The following USF2 variants were observed in gnomAD, a reference collection of about 807,000 sequenced individuals.
USF2 encodes the protein upstream stimulatory factor 2.
Under a neutral mutation model 46.9 loss-of-function variants are expected in USF2, and 16 were observed. The ratio of observed to expected loss-of-function variants is 0.34; its 90% CI spans 0.23 to 0.52. The LOEUF (loss-of-function observed/expected upper bound fraction) is 0.52, where lower values mean the gene tolerates loss of function less well. Among genes scored for constraint, USF2 ranks in the 20% least tolerant of loss-of-function variants. The probability of loss-of-function intolerance (pLI) is 0.96; values close to 1 mark genes in which losing one functional copy is unlikely to be tolerated. For synonymous variants in USF2, 239 were observed against 194.1 expected (o/e 1.23, Z -1.92); for missense variants, 411 against 474.0 (o/e 0.87, Z 1.23).
Position 35,279,340 on chromosome 19 carries a change from A to G in USF2, c.*84A>G, listed in dbSNP as rs1006935632. Reference sequence around the variant, plus strand: ...CAGCCCTTAGCACAGAGAGGGACACATGCCCCTCCCCCAGCTGCGTTTTTT... The same window carrying G: ...CAGCCCTTAGCACAGAGAGGGACACGTGCCCCTCCCCCAGCTGCGTTTTTT... On this transcript the variant is annotated 3_prime_UTR_variant, in exon 10 of 10. Transcript: ENST00000222305. 8.9e-5 allele frequency: 116 copies of G among 1,300,074 alleles called. No homozygotes were observed. In the African/African-American group the frequency reaches 9.8e-4, roughly 11 times the overall value. The allele number at this position is 1,300,074 out of a possible 1,614,324, so 80.5% of individuals were successfully genotyped here.
chr19:35,269,962 G>A lies in USF2; in HGVS notation c.388G>A (p.Ala130Thr). The A allele has an allele frequency of 7.5e-7, 1 of 1,340,430 alleles. No individual in the cohort carries two copies. Among genetic ancestry groups the A allele is most frequent in the Non-Finnish European group, 9.5e-7 (1 of 1,052,630 alleles). The allele number at this position is 1,340,430 out of a possible 1,614,324, so 83.0% of individuals were successfully genotyped here. ...GGCAGCCCAGCGCCCGGGCCCCGCCGCTGCCTCTGTGCCCCCAGGTCCTGC... is the reference window on the plus strand; with the variant it reads ...GGCAGCCCAGCGCCCGGGCCCCGCCACTGCCTCTGTGCCCCCAGGTCCTGC... ...DGAAQRPGPA[A>T]ASVPPGPAAP... Residue 130 changes from alanine to threonine, a missense_variant, in exon 4 of 10, where the codon GCT (alanine) becomes ACT (threonine). Transcript: ENST00000222305.
chr19:35,269,413 C>G, intron 1 of USF2, 33 bp from the exon 2 acceptor site: 1 of 1,409,142 alleles, frequency 7.1e-7, no homozygotes, highest in Non-Finnish European at 9.2e-7. Context: ...GCGCGGGCCG[C>G]GCTGACCCTG....
intron 7 of USF2, among the ~76,000 whole-genome samples, chr19:35,271,801 C>T (rs537354364): frequency 6.6e-5 from 10 of 152,336 alleles, no homozygotes; most frequent in South Asian, 4.1e-4. Flanking sequence ...CTGGGCTGAG[C>T]GGCACAGGCC....
chr19:35,279,336 A>T lies in USF2; in HGVS notation c.*80A>T. On this transcript the variant is annotated 3_prime_UTR_variant, in exon 10 of 10. Transcript: ENST00000222305. ...TCCCCAGCCCTTAGCACAGAGAGGG[A>T]CACATGCCCCTCCCCCAGCTGCGTT... 1.5e-6 allele frequency: 2 copies of T among 1,327,634 alleles called. No homozygotes were observed. Among genetic ancestry groups the T allele is most frequent in the Non-Finnish European group, 2.0e-6 (2 of 1,017,178 alleles). The allele number at this position is 1,327,634 out of a possible 1,614,324, so 82.2% of individuals were successfully genotyped here.
At chr19:35,270,391 G>A (rs748469753) in intron 4 of USF2, 56 bp from the exon 5 acceptor site, 15 of 1,578,322 alleles carry the variant, frequency 9.5e-6, no homozygotes, top group South Asian at 4.7e-5. Context: ...GCAATGAGGG[G>A]ACGGGATGGA....
chr19:35,278,801 C>T lies in USF2; in HGVS notation c.822+9C>T. 6 of 1,613,880 alleles carry T rather than the reference C, an allele frequency of 3.7e-6. No homozygotes were observed. The highest frequency in any genetic ancestry group is 5.1e-6 in the Non-Finnish European group (6 of 1,179,946). On this transcript the variant is annotated intron_variant, in intron 8 of 9. Transcript: ENST00000222305. Reference sequence around the variant, plus strand: ...ACAGCAAGACGGGAGCGGTGAGCACCCCGGACCCTCAGTGTCTGCGGTGGT... The same window carrying T: ...ACAGCAAGACGGGAGCGGTGAGCACTCCGGACCCTCAGTGTCTGCGGTGGT...
rs1434776947 is a variant in USF2 at position 35,278,711 on chromosome 19, G to A, written c.741G>A (p.Arg247=). 2 of 1,614,184 alleles carry A rather than the reference G, an allele frequency of 1.2e-6. No homozygotes were observed. The highest frequency in any genetic ancestry group is 1.7e-5 in the Admixed American group (1 of 60,020). The change falls in exon 8 of 10, where the codon CGG becomes CGA. Residue 247 remains arginine, a synonymous_variant. Coordinates refer to ENST00000222305, the MANE Select transcript of USF2 (RefSeq NM_003367.4). ...TGTTTTCCGCAGTGGAGCGGAGGCGGAGGGACAAGATCAACAACTGGATCG... is the reference window on the plus strand; with the variant it reads ...TGTTTTCCGCAGTGGAGCGGAGGCGAAGGGACAAGATCAACAACTGGATCG... ...RAQHNEVERR[R]RDKINNWIVQ...
At chr19:35,269,312 C>A in intron 1 of USF2, 134 bp from the exon 2 acceptor site, 1 of 880,876 alleles carries the variant, frequency 1.1e-6, no homozygotes, top group Non-Finnish European at 1.4e-6. Context: ...CGCCTCCCGC[C>A]CCCGGCCCCC....
chr19:35,269,485 G>A lies in USF2; in HGVS notation c.102G>A (p.Leu34=). The A allele has an allele frequency of 2.6e-6, 4 of 1,553,776 alleles. No homozygotes were observed. The highest frequency in any genetic ancestry group is 2.6e-6 in the Non-Finnish European group (3 of 1,156,672). Residue 34 remains leucine, a synonymous_variant, in exon 2 of 10, where the codon CTG becomes CTA. Transcript: ENST00000222305. ...KGPEAEEGVE[L]QEGGDGPGAE... Reference sequence around the variant, plus strand: ...CCGAGGCGGAGGAGGGCGTCGAGCTGCAGGAAGGTGAGTGCTTGCCGGGCC... The same window carrying A: ...CCGAGGCGGAGGAGGGCGTCGAGCTACAGGAAGGTGAGTGCTTGCCGGGCC...
chr19:35,275,519 C>T (rs2066221645), intron 7 of USF2: 1 of 150,282 alleles, frequency 6.7e-6, no homozygotes, highest in South Asian at 2.1e-4. Flanking sequence ...TGATTCTTAA[C>T]CTTTCTCTTT....
At chr19:35,270,364 A>T (rs965972716) in intron 4 of USF2, 83 bp from the exon 5 acceptor site, 1 of 1,542,586 alleles carries the variant, frequency 6.5e-7, no homozygotes, top group Admixed American at 1.9e-5. Context: ...CAGAGAATGC[A>T]GTAAACCCCA....
Position 35,270,796 on chromosome 19 carries a change from C to G in USF2, c.659C>G (p.Pro220Arg), listed in dbSNP as rs139781881. ...AGGACGATCGCCCCCCGGACACACC[C>G]TTACTCTCCGTATGTGCAGGGGACA... ...TQRTIAPRTH[P>R]YSPKIDGTRT... The change falls in exon 6 of 10, where the codon CCT (proline) becomes CGT (arginine). Residue 220 changes from proline to arginine, a missense_variant. Pro to Arg is a moderately radical substitution (Grantham distance 103). This residue lies in a region of USF2 where 318 missense variants were observed against 322.4 expected (regional missense o/e 0.99). Transcript: ENST00000222305. 1.2e-6 allele frequency: 2 copies of G among 1,614,024 alleles called. No individual in the cohort carries two copies. Among genetic ancestry groups the G allele is most frequent in the African/African-American group, 2.7e-5 (2 of 74,912 alleles).
At chr19:35,272,948 C>G (rs1193585720) in intron 7 of USF2, among the ~76,000 whole-genome samples, 2 of 151,818 alleles carry the variant, frequency 1.3e-5, no homozygotes, top group African/African-American at 2.4e-5. Flanking sequence ...CCTGTCTTCC[C>G]TCTGTGAAAT....
In USF2 at chr19:35,269,856, C is replaced by T. The variant is rs759545410; in HGVS notation, c.282C>T (p.Asp94=). 29 of 1,431,458 alleles carry T rather than the reference C, an allele frequency of 2.0e-5. No individual in the cohort carries two copies. Among genetic ancestry groups the T allele is most frequent in the Non-Finnish European group, 2.5e-5 (27 of 1,101,628 alleles). The allele number at this position is 1,431,458 out of a possible 1,614,324, so 88.7% of individuals were successfully genotyped here. A position where few individuals can be genotyped will look rare whatever the true frequency, so the allele number is the denominator to read the frequency against. ...VTDGQLDGQG[D]TAGAVSVVST... is the part of the protein sequence containing the mutation. Reference sequence around the variant, plus strand: ...ATGGTCAGCTGGACGGCCAGGGCGACACAGCTGGCGCCGTCAGCGTCGTGT... The same window carrying T: ...ATGGTCAGCTGGACGGCCAGGGCGATACAGCTGGCGCCGTCAGCGTCGTGT... The change falls in exon 4 of 10, where the codon GAC becomes GAT. Residue 94 remains aspartate, a synonymous_variant. Transcript: ENST00000222305.
intron 7 of USF2, chr19:35,277,172 G>C (rs960331704): frequency 6.6e-6 from 1 of 152,480 alleles, no homozygotes; most frequent in African/African-American, 2.4e-5. Flanking sequence ...GGGTGTGGTT[G>C]TCTTTGGTGG....
Position 35,279,053 on chromosome 19 carries a change from C to T in USF2, c.930C>T (p.Asp310=). ...AAGAGGCCGAGCGGCTGCAGATGGA[C>T]AACGAGCTCCTGAGGCAGCAGGTGG... is the stretch of plus-strand genomic sequence containing the variant. ...TFKEAERLQM[D]NELLRQQIEE... is the part of the protein sequence containing the mutation. The change falls in exon 9 of 10, where the codon GAC becomes GAT. Residue 310 remains aspartate (D), a synonymous_variant. Coordinates refer to ENST00000222305, the MANE Select transcript of USF2 (RefSeq NM_003367.4). The T allele has an allele frequency of 1.3e-6, 2 of 1,599,928 alleles. No individual in the cohort carries two copies. The highest frequency in any genetic ancestry group is 1.3e-5 in the African/African-American group (1 of 74,420).
intron 7 of USF2, among the ~76,000 whole-genome samples, chr19:35,276,550 A>G (rs1385944184): frequency 6.6e-6 from 1 of 152,050 alleles, no homozygotes; most frequent in African/African-American, 2.4e-5. Flanking sequence ...GAGGAGGAGG[A>G]GATGCGGTCC....
At chr19:35,270,962 C>T (rs536300892) in intron 6 of USF2, 121 bp from the exon 7 acceptor site, 31 of 1,463,366 alleles carry the variant, frequency 2.1e-5, no homozygotes, top group African/African-American at 5.6e-5. Context: ...AGTATCATGT[C>T]TTTTGTTTTT....
In USF2 at chr19:35,279,716, T is replaced by C. The variant is rs369741406; in HGVS notation, c.*460T>C. 2.8e-3 allele frequency: 484 copies of C among 170,584 alleles called. 3 individuals are homozygous for C. The highest frequency in any genetic ancestry group is 0.011 in the African/African-American group (465 of 41,906). 10.6% of individuals were successfully genotyped at this position (170,584 alleles called of 1,614,324 possible). ...CTGGGTCCCTGCTCCCCTTTGGGGG[T>C]GTGTGTGTGTGTTTTAATTTTCTTT... On this transcript the variant is annotated 3_prime_UTR_variant, in exon 10 of 10. Transcript: ENST00000222305.
Sources: gnomAD v4.1 joint callset for allele counts (sites outside exome capture counted in the v4.1 genomes callset) on GRCh38, gnomAD v4.1.1 for gene constraint, gnomAD v4.1.1 regional missense constraint, MANE v1.5 for transcripts, NCBI Gene and HGNC (gene_info 2026-07-23, HGNC 2026-07-21) for gene names.